KLHL4: variants seen among roughly 807,000 people sequenced by gnomAD.
KLHL4 encodes kelch like family member 4.
Under a neutral mutation model 45.8 loss-of-function variants are expected in KLHL4, and 17 were observed. The observed-to-expected ratio is 0.37, with a 90% CI of 0.25 to 0.56. The LOEUF is 0.56. Among genes scored for constraint, KLHL4 ranks in the 20% least tolerant of loss-of-function variants. The pLI, the probability that KLHL4 is intolerant of heterozygous loss-of-function variation, is 0.79. For synonymous variants in KLHL4, 224 were observed against 189.9 expected, an observed-to-expected ratio of 1.18 and a Z score of -1.47; for missense variants, 544 against 544.9, an observed-to-expected ratio of 1.00 and a Z score of 0.02.
At chrX:87,637,424 GTTTT>G (rs1220988894) in intron 9 of KLHL4, among the ~76,000 whole-genome samples, 3 of 111,027 alleles carry the variant, frequency 2.7e-5, no homozygotes, top group African/African-American at 9.8e-5. Flanking sequence ...ACAAAATGAG[GTTTT>G]TTGACATCCC....
intron 1 of KLHL4, among the ~76,000 whole-genome samples, chrX:87,606,031 T>C (rs777730404): frequency 8.1e-5 from 9 of 111,637 alleles, no homozygotes; most frequent in African/African-American, 2.9e-4. Context: ...GTATCAAATA[T>C]ATTAATTTGC....
chrX:87,665,255 A>T (rs1924330025), intron 10 of KLHL4, among the ~76,000 whole-genome samples: 1 of 111,801 alleles, frequency 8.9e-6, no homozygotes, highest in African/African-American at 3.2e-5. Flanking sequence ...AGTAATAAAT[A>T]AATAAAATAA....
intron 1 of KLHL4, among the ~76,000 whole-genome samples, chrX:87,543,246 G>A (rs764386856): frequency 1.7e-4 from 19 of 111,314 alleles, no homozygotes; most frequent in Non-Finnish European, 3.0e-4. Flanking sequence ...TAATACAGCA[G>A]AACATTACTA....
intron 3 of KLHL4, 65 bp from the exon 4 acceptor site, chrX:87,617,867 A>C (rs775464529): frequency 2.4e-5 from 23 of 958,127 alleles, no homozygotes; most frequent in Non-Finnish European, 3.0e-5. Context: ...AAAAATGTCA[A>C]CTAGTTGACG....
intron 1 of KLHL4, among the ~76,000 whole-genome samples, chrX:87,550,442 T>C (rs753627932): frequency 9.0e-6 from 1 of 111,362 alleles, no homozygotes; most frequent in Admixed American, 9.6e-5. Flanking sequence ...GAAGAATCAG[T>C]ACCAGTCATT....
chrX:87,609,680 GA>G (rs1163411893), intron 1 of KLHL4, among the ~76,000 whole-genome samples: 2 of 111,228 alleles, frequency 1.8e-5, no homozygotes, highest in Non-Finnish European at 3.8e-5. Context: ...CAGATGAGTA[GA>G]TTGCAAAAAT....
At chrX:87,647,598 T>G (rs1923678597) in intron 9 of KLHL4, among the ~76,000 whole-genome samples, 1 of 111,943 alleles carries the variant, frequency 8.9e-6, no homozygotes, top group South Asian at 3.6e-4. Context: ...TGGATGGAAT[T>G]GGAGACCATT....
chrX:87,567,305 GAA>G (rs1168104846), intron 1 of KLHL4, among the ~76,000 whole-genome samples: 3 of 111,438 alleles, frequency 2.7e-5, no homozygotes, highest in African/African-American at 9.8e-5. Context: ...ATAAAAAAAA[GAA>G]AGTGACAAGT....
At position 87,636,338 on chromosome X, in the gene KLHL4, T is replaced by C. The variant is rs150494681; in HGVS notation, c.1925+563T>C. Among the ~76,000 whole-genome samples, 671 of 111,615 alleles carry C rather than the reference T, an allele frequency of 6.0e-3. 2 individuals are homozygous for C. Among genetic ancestry groups the C allele is most frequent in the Non-Finnish European group, 9.4e-3 (498 of 53,123 alleles). ...TCAAATCAAAATAAGTTTACTGAGA[T>C]TGGGGAAAAAATGGCAGATAGGAGC... On this transcript the variant is annotated intron_variant, in intron 9 of 10. Coordinates refer to ENST00000373119, the MANE Select transcript of KLHL4 (RefSeq NM_019117.5).
chrX:87,596,144 G>A (rs377495824), intron 1 of KLHL4, among the ~76,000 whole-genome samples: 13 of 111,316 alleles, frequency 1.2e-4, no homozygotes, highest in African/African-American at 2.9e-4. Context: ...TAAGTTTCCC[G>A]AAGTCTCCCC....
At chrX:87,647,490 C>T (rs1923675771) in intron 9 of KLHL4, among the ~76,000 whole-genome samples, 1 of 111,765 alleles carries the variant, frequency 8.9e-6, no homozygotes, top group East Asian at 2.8e-4. Flanking sequence ...CAGCCAAATG[C>T]CTGTCAATTA....
At chrX:87,556,086 G>A (rs1378934516) in intron 1 of KLHL4, among the ~76,000 whole-genome samples, 6 of 111,224 alleles carry the variant, frequency 5.4e-5, no homozygotes, top group African/African-American at 1.6e-4. Flanking sequence ...CTGAGAGACA[G>A]TTTGTTATAA....
chrX:87,647,144 G>A (rs1007335437), intron 9 of KLHL4, among the ~76,000 whole-genome samples: 2 of 111,583 alleles, frequency 1.8e-5, no homozygotes, highest in African/African-American at 3.3e-5. Flanking sequence ...AATGTTCAAC[G>A]TCACTAATGA....
chrX:87,573,060 ATTTG>A (rs1030583900), intron 1 of KLHL4, among the ~76,000 whole-genome samples: 1 of 111,916 alleles, frequency 8.9e-6, no homozygotes, highest in Non-Finnish European at 1.9e-5. Flanking sequence ...CAGTAAAGGC[ATTTG>A]TTTGAGTTAC....
chrX:87,633,442 G>T (rs1923163110), intron 7 of KLHL4, among the ~76,000 whole-genome samples: 1 of 110,962 alleles, frequency 9.0e-6, no homozygotes, highest in South Asian at 3.9e-4. Flanking sequence ...TTGAAATTTT[G>T]CCAGAAAAAG....
At chrX:87,561,030 C>T (rs1932086948) in intron 1 of KLHL4, among the ~76,000 whole-genome samples, 2 of 110,927 alleles carry the variant, frequency 1.8e-5, no homozygotes. Flanking sequence ...AAACATAAAA[C>T]CTGAAATTAT....
intron 1 of KLHL4, among the ~76,000 whole-genome samples, chrX:87,602,216 G>A (rs1167657823): frequency 4.5e-5 from 5 of 110,736 alleles, no homozygotes; most frequent in African/African-American, 6.6e-5. Flanking sequence ...TTAGCTTACT[G>A]TAACTAAATA....
chrX:87,612,616 G>C (rs765191404), intron 1 of KLHL4, among the ~76,000 whole-genome samples: 1 of 111,480 alleles, frequency 9.0e-6, no homozygotes, highest in Non-Finnish European at 1.9e-5. Context: ...AATAATTTTC[G>C]TGATTTACAA....
At chrX:87,660,835 C>T (rs1200973730) in intron 9 of KLHL4, among the ~76,000 whole-genome samples, 1 of 112,439 alleles carries the variant, frequency 8.9e-6, no homozygotes, top group Non-Finnish European at 1.9e-5. Flanking sequence ...CAGAATGAGA[C>T]TCTGTCTTTA....
Sources: gnomAD v4.1 joint callset for allele counts (sites outside exome capture counted in the v4.1 genomes callset) on GRCh38, gnomAD v4.1.1 for gene constraint, MANE v1.5 for transcripts, NCBI Gene and HGNC (gene_info 2026-07-23, HGNC 2026-07-21) for gene names.